JAK2: variants seen among roughly 807,000 people sequenced by gnomAD.
JAK2 encodes tyrosine-protein kinase JAK2.
Under a neutral mutation model 139.3 loss-of-function variants are expected in JAK2, and 86 were observed. The ratio of observed to expected loss-of-function variants is 0.62; its 90% CI spans 0.52 to 0.74. JAK2 has a LOEUF of 0.74. Among genes scored for constraint, JAK2 ranks in the 30% least tolerant of loss-of-function variants. JAK2 has a pLI of 0.00. For synonymous variants in JAK2, 490 were observed against 437.7 expected (o/e 1.12, Z -1.49); for missense variants, 1,421 against 1,360.3 (o/e 1.04, Z -0.70).
At chr9:5,055,585 A>G (rs1817704265) in intron 7 of JAK2, 84 bp from the exon 8 acceptor site, 1 of 1,082,334 alleles carries the variant, frequency 9.2e-7, no homozygotes, top group African/African-American at 1.6e-5. Context: ...AAGAATTTGG[A>G]AAGAATGTTG....
At chr9:5,121,595 C>G (rs1204142892) in intron 22 of JAK2, among the ~76,000 whole-genome samples, 1 of 152,102 alleles carries the variant, frequency 6.6e-6, no homozygotes. Context: ...GATAGTTACA[C>G]GTTCTTGAGA....
intron 2 of JAK2, among the ~76,000 whole-genome samples, chr9:4,990,674 T>A (rs575563402): frequency 6.6e-6 from 1 of 152,070 alleles, no homozygotes; most frequent in African/African-American, 2.4e-5. Context: ...ATGTTGATCA[T>A]TGGCAAGAAA....
At position 5,129,737 on chromosome 9, in the gene JAK2, T is replaced by C. The variant is rs891337433; in HGVS notation, c.*2946T>C. Among the ~76,000 whole-genome samples, 2 of 152,174 alleles carry C rather than the reference T, an allele frequency of 1.3e-5. No individual in the cohort carries two copies. Among genetic ancestry groups the C allele is most frequent in the Non-Finnish European group, 2.9e-5 (2 of 67,980 alleles). On this transcript the variant is annotated 3_prime_UTR_variant, in exon 25 of 25. Transcript: ENST00000381652. ...TAACTAGCTGCTAAGCGTTTCATAA[T>C]TCTCACAGTGATATTAGATTTCAAA...
At chr9:5,110,560 C>A in intron 22 of JAK2, 1 of 168,668 alleles carries the variant, frequency 5.9e-6, no homozygotes, top group Non-Finnish European at 1.3e-5. Context: ...AAGACTTTAC[C>A]CTTCACTTCC....
chr9:5,112,041 C>T (rs1822616783), intron 22 of JAK2: 1 of 409,410 alleles, frequency 2.4e-6, no homozygotes, highest in South Asian at 1.8e-5. Context: ...TGCCTTATCA[C>T]CCAGCTACGA....
chr9:5,095,350 C>T (rs1362902282), intron 22 of JAK2, among the ~76,000 whole-genome samples: 1 of 152,080 alleles, frequency 6.6e-6, no homozygotes, highest in East Asian at 1.9e-4. Flanking sequence ...AGTTCTTACC[C>T]CCATCTTGAT....
rs7046013 is a variant in JAK2, at chr9:4,987,413, G to C, written c.-26+1391G>C. ...TGGCTTTGGAGTGAGATCTGGATTT[G>C]AATCCTGGTGTTCTTGCCACTTAAG... On this transcript the variant is annotated intron_variant, in intron 2 of 24. Coordinates refer to ENST00000381652, the MANE Select transcript of JAK2 (RefSeq NM_004972.4). Among the ~76,000 whole-genome samples the C allele has an allele frequency of 9.7e-3, 1,472 of 152,242 alleles. 27 individuals carry two copies. Among genetic ancestry groups the C allele is most frequent in the African/African-American group, 0.034 (1,426 of 41,542 alleles).
intron 22 of JAK2, among the ~76,000 whole-genome samples, chr9:5,120,067 G>C (rs753625760): frequency 1.3e-5 from 2 of 152,220 alleles, no homozygotes; most frequent in Non-Finnish European, 2.9e-5. Context: ...CACACTTCTA[G>C]AGGTTAGGAG....
At chr9:5,072,962 AAC>A (rs1819071942) in intron 13 of JAK2, among the ~76,000 whole-genome samples, 1 of 152,116 alleles carries the variant, frequency 6.6e-6, no homozygotes, top group African/African-American at 2.4e-5. Context: ...TTGAAAAAAA[AAC>A]AAAAAACCAA....
intron 4 of JAK2, chr9:5,040,867 A>C (rs958754497): frequency 4.2e-5 from 10 of 235,814 alleles, no homozygotes; most frequent in African/African-American, 2.1e-4. Context: ...GAGGGGCCGG[A>C]GCGCGGATCC....
chr9:5,105,287 C>A (rs1040859958), intron 22 of JAK2, among the ~76,000 whole-genome samples: 18 of 152,174 alleles, frequency 1.2e-4, no homozygotes, highest in African/African-American at 4.1e-4. Context: ...ACAGCCAAAT[C>A]ATGAGTGAAC....
intron 2 of JAK2, among the ~76,000 whole-genome samples, chr9:4,990,142 G>T (rs142644545): frequency 6.6e-6 from 1 of 152,292 alleles, no homozygotes; most frequent in Non-Finnish European, 1.5e-5. Context: ...AAGGGAGAAT[G>T]GAGGGGAGAA....
chr9:5,040,165 T>C (rs932737455), intron 4 of JAK2, among the ~76,000 whole-genome samples: 42 of 152,170 alleles, frequency 2.8e-4, no homozygotes, highest in Admixed American at 1.2e-3. Context: ...TTGATGGTGA[T>C]TGATTTTTGA....
chr9:5,095,456 A>G (rs568121958), intron 22 of JAK2, among the ~76,000 whole-genome samples: 1 of 152,168 alleles, frequency 6.6e-6, no homozygotes, highest in African/African-American at 2.4e-5. Context: ...ATCCTTTTCA[A>G]CAACCCGTCC....
chr9:5,121,155 AC>A (rs1823591153), intron 22 of JAK2, among the ~76,000 whole-genome samples: 1 of 152,152 alleles, frequency 6.6e-6, no homozygotes, highest in Non-Finnish European at 1.5e-5. Context: ...AAATCTTCCA[AC>A]CCAGAAAACC....
chr9:5,020,771 T>G (rs1290869995), intron 2 of JAK2, among the ~76,000 whole-genome samples: 2 of 152,096 alleles, frequency 1.3e-5, no homozygotes, highest in East Asian at 3.9e-4. Flanking sequence ...TGGCTTGTGC[T>G]TTGGTCCCAG....
chr9:5,020,061 G>A (rs1032713925), intron 2 of JAK2, among the ~76,000 whole-genome samples: 2 of 152,164 alleles, frequency 1.3e-5, no homozygotes, highest in African/African-American at 4.8e-5. Flanking sequence ...GATGGGCTGG[G>A]CAGCTGAGTG....
At chr9:5,026,741 G>A (rs887719752) in intron 3 of JAK2, among the ~76,000 whole-genome samples, 21 of 152,138 alleles carry the variant, frequency 1.4e-4, no homozygotes, top group Admixed American at 9.8e-4. Flanking sequence ...ATGTGTGAAT[G>A]TTCTATATAT....
intron 2 of JAK2, among the ~76,000 whole-genome samples, chr9:4,994,785 A>G (rs904565172): frequency 3.3e-5 from 5 of 152,128 alleles, no homozygotes; most frequent in African/African-American, 1.2e-4. Flanking sequence ...TCTTCAAGCT[A>G]TGGCCCCATT....
Sources: allele counts gnomAD v4.1 joint callset (sites outside exome capture counted in the v4.1 genomes callset), GRCh38; gene constraint gnomAD v4.1.1; transcripts MANE v1.5; gene names NCBI Gene and HGNC (gene_info 2026-07-23, HGNC 2026-07-21).